Variants in UNC79 observed in about 807,000 individuals in gnomAD.
UNC79 encodes the protein protein unc-79 homolog.
In UNC79, 37 loss-of-function variants were observed where a neutral mutation model predicts 283.1. The ratio of observed to expected loss-of-function variants is 0.13; its 90% CI spans 0.10 to 0.17. The LOEUF is 0.17. UNC79 is among the 10% of genes least tolerant of loss of function. The probability of loss-of-function intolerance (pLI) is 1.00; values close to 1 mark genes in which losing one functional copy is unlikely to be tolerated. For synonymous variants in UNC79, 1,107 were observed against 1,200.2 expected (o/e 0.92, Z 1.61); for missense variants, 2,272 against 3,211.1 (o/e 0.71, Z 7.07).
At chr14:93,624,410 G>T (rs1036108292) in intron 30 of UNC79, among the ~76,000 whole-genome samples, 1 of 152,172 alleles carries the variant, frequency 6.6e-6, no homozygotes, top group Non-Finnish European at 1.5e-5. Context: ...CAGGAACATG[G>T]TTGCATATGG....
At chr14:93,516,457 G>C (rs183925430) in intron 7 of UNC79, among the ~76,000 whole-genome samples, 3 of 117,588 alleles carry the variant, frequency 2.6e-5, no homozygotes, top group South Asian at 3.3e-4. Context: ...TTTTGGGGGG[G>C]GGGGTGGGGG....
exon 23 of UNC79, chr14:93,593,762 C>T: frequency 6.2e-7 from 1 of 1,614,130 alleles, no homozygotes; most frequent in Non-Finnish European, 8.5e-7. Flanking sequence ...GTCACTTCCT[C>T]ATGGTGCTGA....
chr14:93,574,853 T>G (rs2063388350), intron 16 of UNC79, among the ~76,000 whole-genome samples: 1 of 151,076 alleles, frequency 6.6e-6, no homozygotes, highest in Admixed American at 6.6e-5. Flanking sequence ...TATTGGATGC[T>G]GGGGGTGAGG....
chr14:93,460,562 G>A (rs2056931986), intron 1 of UNC79, among the ~76,000 whole-genome samples: 2 of 150,502 alleles, frequency 1.3e-5, no homozygotes, highest in South Asian at 4.2e-4. Context: ...GGATGCTCAA[G>A]AGATGTTATT....
intron 31 of UNC79, among the ~76,000 whole-genome samples, chr14:93,633,897 T>C (rs1053650417): frequency 6.6e-6 from 1 of 152,226 alleles, no homozygotes; most frequent in Non-Finnish European, 1.5e-5. Context: ...TTTCAAACAG[T>C]AGGCAGAGGC....
chr14:93,669,557 C>A (rs1482819573), intron 40 of UNC79, among the ~76,000 whole-genome samples: 1 of 152,190 alleles, frequency 6.6e-6, no homozygotes, highest in East Asian at 1.9e-4. Flanking sequence ...CCCATAGTAA[C>A]TTTCCTTCAT....
chr14:93,690,253 G>T lies in UNC79; in HGVS notation c.7222G>T (p.Val2408Phe). The T allele has an allele frequency of 1.2e-6, 2 of 1,614,084 alleles. No individual in the cohort carries two copies. Among genetic ancestry groups the T allele is most frequent in the Non-Finnish European group, 1.7e-6 (2 of 1,180,032 alleles). ...CATTCCTCTGGATGCAGGCTCCCAC[G>T]TTGCAGACCATCTTATTGTTATCCT... is the stretch of plus-strand genomic sequence containing the variant. Residue 2408 changes from valine (V) to phenylalanine (F), a missense_variant, in exon 45 of 49, where the codon GTT (valine) becomes TTT (phenylalanine). By Grantham distance (50) the Val-to-Phe change is conservative. Around this residue, in one of 11 missense-constraint regions of UNC79, gnomAD observed 225 missense variants for 334.2 expected, o/e 0.67. Transcript: ENST00000555664. This position sits in a 1 kb window ranked among gnomAD's most constrained non-coding sequence, Gnocchi z 4.3.
At chr14:93,468,682 T>G (rs527268414) in intron 2 of UNC79, among the ~76,000 whole-genome samples, 3 of 152,232 alleles carry the variant, frequency 2.0e-5, no homozygotes, top group African/African-American at 7.2e-5. Context: ...AAAAGCTGAA[T>G]GCTTTGCGGA....
At chr14:93,518,881 T>C (rs1320162205) in intron 7 of UNC79, among the ~76,000 whole-genome samples, 1 of 151,988 alleles carries the variant, frequency 6.6e-6, no homozygotes, top group African/African-American at 2.4e-5. Context: ...TTAATTCTAT[T>C]GTGGCTAGAG....
rs77273604 is a variant in UNC79, at chr14:93,658,532, G to A, written c.6457-661G>A. Among the ~76,000 whole-genome samples, 1,416 of 152,198 alleles carry A rather than the reference G, an allele frequency of 9.3e-3. 29 individuals are homozygous for A. The highest frequency in any genetic ancestry group is 0.033 in the African/African-American group (1,356 of 41,508). ...TATCATTGTTTATTCTTGCTGTAAC[G>A]TTTACCCCCAGTCCTAGTAAACTCA... is the stretch of plus-strand genomic sequence containing the variant. On this transcript the variant is annotated intron_variant, in intron 38 of 48. Coordinates refer to ENST00000555664, the Ensembl canonical transcript of UNC79.
rs559781481 is a variant in UNC79, at chr14:93,364,519, C to T, written c.-351+30996C>T. ...GGAGAAAAACATAGCTCAGTAGTCA[C>T]AGTAGAAGGGTGTTTTAGATGTGGG... On this transcript the variant is annotated intron_variant, in intron 1 of 49. Coordinates refer to the UNC79 transcript ENST00000256339. Among the ~76,000 whole-genome samples, 6 of 150,636 alleles carry T rather than the reference C, an allele frequency of 4.0e-5. No homozygotes were observed. The South Asian group carries it at 1.1e-3, about 26-fold the overall frequency.
chr14:93,421,282 T>C (rs10140173), intron 1 of UNC79, among the ~76,000 whole-genome samples: 106,143 of 151,402 alleles, frequency 0.7, 38,229 homozygotes, highest in Middle Eastern at 0.78. Context: ...CAACTTATAC[T>C]GCAGAAATTC....
upstream of UNC79, among the ~76,000 whole-genome samples, chr14:93,426,829 C>T (rs185792021): frequency 8.5e-5 from 13 of 152,060 alleles, no homozygotes; most frequent in East Asian, 2.1e-3. Flanking sequence ...ATGATAACAT[C>T]TGGATCATCT....
chr14:93,655,476 G>A (rs1020528368), intron 38 of UNC79, 69 bp downstream of exon 41: 1 of 1,560,348 alleles, frequency 6.4e-7, no homozygotes, highest in East Asian at 2.2e-5. Flanking sequence ...TTTACAAGCA[G>A]CAGAGTCTTG....
chr14:93,558,593 A>ATTTTTTTTTTTTTTTTTT (rs71129647), intron 14 of UNC79, among the ~76,000 whole-genome samples: 3 of 62,778 alleles, frequency 4.8e-5, no homozygotes, highest in Admixed American at 2.7e-4. Flanking sequence ...AGAAACAGGG[A>ATTTTTTTTTTTTTTTTTT]TTTTTTTTTT....
At chr14:93,689,487 CTTT>C (rs57033556) in intron 44 of UNC79, 8 of 119,372 alleles carry the variant, frequency 6.7e-5, no homozygotes, top group Non-Finnish European at 6.8e-5. Flanking sequence ...GAAGAAATTT[CTTT>C]TTTTTTTTTT....
intron 1 of UNC79, among the ~76,000 whole-genome samples, chr14:93,379,884 C>T (rs1174765880): frequency 1.3e-5 from 2 of 152,098 alleles, no homozygotes; most frequent in Non-Finnish European, 2.9e-5. Context: ...AAAAAATTTG[C>T]AAGATATTAG....
intron 16 of UNC79, among the ~76,000 whole-genome samples, chr14:93,573,961 A>G (rs2063340544): frequency 6.6e-6 from 1 of 152,224 alleles, no homozygotes; most frequent in Admixed American, 6.5e-5. Context: ...GCTATGATCA[A>G]GCCACTGCAC....
At chr14:93,687,131 CCTGA>C (rs1197031959) in intron 43 of UNC79, among the ~76,000 whole-genome samples, 1 of 152,184 alleles carries the variant, frequency 6.6e-6, no homozygotes, top group Admixed American at 6.5e-5. Flanking sequence ...CTGTACCTTG[CCTGA>C]CTGTTACGAG....
Sources: allele counts gnomAD v4.1 joint callset (sites outside exome capture counted in the v4.1 genomes callset), GRCh38; gene constraint gnomAD v4.1.1; regional missense constraint gnomAD v4.1.1; non-coding constraint Gnocchi (gnomAD v3.1); transcripts MANE v1.5; gene names NCBI Gene and HGNC (gene_info 2026-07-23, HGNC 2026-07-21).